The following ABCB9 variants were observed in gnomAD, a reference collection of about 807,000 sequenced individuals.
The protein encoded by ABCB9 is ABC-type oligopeptide transporter ABCB9.
A neutral mutation model predicts 62.0 loss-of-function variants in ABCB9; 36 were observed. The ratio of observed to expected loss-of-function variants is 0.58; its 90% CI spans 0.45 to 0.77. ABCB9 has a LOEUF of 0.77. Among genes scored for constraint, ABCB9 ranks in the 30% least tolerant of loss-of-function variants. The probability of loss-of-function intolerance (pLI) is 0.00; values close to 1 mark genes in which losing one functional copy is unlikely to be tolerated. For synonymous variants in ABCB9, 435 were observed against 461.4 expected (o/e 0.94, Z 0.73); for missense variants, 943 against 1,054.7 (o/e 0.89, Z 1.47).
chr12:122,925,457 A>G (rs191560441), downstream of ABCB9, among the ~76,000 whole-genome samples: 2 of 152,040 alleles, frequency 1.3e-5, no homozygotes, highest in Non-Finnish European at 1.5e-5. Flanking sequence ...CAAAAAAAAC[A>G]TGAATGTTGG....
At position 122,949,894 on chromosome 12, in the gene ABCB9, GC is replaced by G. The variant is rs988194218; in HGVS notation, c.740del (p.Gly247AlafsTer11). 4 of 1,614,158 alleles carry G rather than the reference GC, an allele frequency of 2.5e-6. No homozygotes were observed. The highest frequency in any genetic ancestry group is 3.4e-6 in the Non-Finnish European group (4 of 1,179,996). ...IGSSFAAGIR[G>X]GIFTLIFARL... ...TGGCAAATATGAGGGTAAAAATGCC[GC>G]CCCGAATACCTGCGGCAAATGAGCT... On this transcript the variant is annotated frameshift_variant, in exon 4 of 12. Coordinates refer to ENST00000280560, the MANE Select transcript of ABCB9 (RefSeq NM_019625.4). LOFTEE classifies it high-confidence loss of function.
At position 122,950,136 on chromosome 12, in the gene ABCB9, G is replaced by A. The variant is rs925035058; in HGVS notation, c.717-218C>T. Among the ~76,000 whole-genome samples, 35 of 152,194 alleles carry A rather than the reference G, an allele frequency of 2.3e-4. 1 individual carries two copies. The highest frequency in any genetic ancestry group is 5.9e-5 in the Non-Finnish European group (4 of 68,036). ...ACAAGAGACCCAAATGTGCCAGCCA[G>A]ACCCTCTTCCTTCCAGAACAGCTCA... is the stretch of plus-strand genomic sequence containing the variant. On this transcript the variant is annotated intron_variant, in intron 3 of 11. Coordinates refer to ENST00000280560, the MANE Select transcript of ABCB9 (RefSeq NM_019625.4).
At chr12:122,941,094 T>A (rs2035741994) in intron 7 of ABCB9, 99 bp from the exon 8 acceptor site, 3 of 1,362,896 alleles carry the variant, frequency 2.2e-6, no homozygotes, top group Admixed American at 5.4e-5. Flanking sequence ...AAGCAAGGAG[T>A]TCTGGCGGGG....
At chr12:122,933,255 A>G (rs1470295411) in intron 10 of ABCB9, among the ~76,000 whole-genome samples, 1 of 152,198 alleles carries the variant, frequency 6.6e-6, no homozygotes, top group Admixed American at 6.5e-5. Context: ...TAACATAAAC[A>G]TAACCATTGT....
At chr12:122,955,807 G>A (rs1205043856) in intron 2 of ABCB9, among the ~76,000 whole-genome samples, 2 of 152,032 alleles carry the variant, frequency 1.3e-5, no homozygotes, top group Non-Finnish European at 2.9e-5. Context: ...CACCTCCTGG[G>A]TTCAAGATAT....
Position 122,947,389 on chromosome 12 carries a change from G to A in ABCB9, c.1054-1167C>T. The A allele has an allele frequency of 2.5e-6, 1 of 401,392 alleles. No individual in the cohort carries two copies. Among genetic ancestry groups the A allele is most frequent in the South Asian group, 1.8e-5 (1 of 55,802 alleles). 24.9% of individuals were successfully genotyped at this position (401,392 alleles called of 1,614,324 possible). ...AGACTGTGGGGAGTGGCCTCACCGGGGGCTGGGTGGGAGATGGCTTCCTTT... is the reference window on the plus strand; with the variant it reads ...AGACTGTGGGGAGTGGCCTCACCGGAGGCTGGGTGGGAGATGGCTTCCTTT... On this transcript the variant is annotated intron_variant, in intron 5 of 11. Transcript: ENST00000280560. The surrounding 1 kb of genome is among the most constrained non-coding windows in gnomAD (Gnocchi z 6.0).
chr12:122,930,519 C>T lies in ABCB9; in HGVS notation c.2041-348G>A, dbSNP rs1167316317. Among the ~76,000 whole-genome samples the T allele has an allele frequency of 9.2e-5, 14 of 151,484 alleles. No homozygotes were observed. Among genetic ancestry groups the T allele is most frequent in the South Asian group, 4.2e-4 (2 of 4,772 alleles). On this transcript the variant is annotated intron_variant, in intron 11 of 11. Transcript: ENST00000280560. This position sits in a 1 kb window ranked among gnomAD's most constrained non-coding sequence, Gnocchi z 4.9. Reference sequence around the variant, plus strand: ...GCCTCGTGGGTTCAATCGAGTCTCACGCCTCAGCTTCCCAAGTAGCTAGGG... The same window carrying T: ...GCCTCGTGGGTTCAATCGAGTCTCATGCCTCAGCTTCCCAAGTAGCTAGGG...
downstream of ABCB9, chr12:122,924,922 ATTGT>A: frequency 8.5e-7 from 1 of 1,179,258 alleles, no homozygotes; most frequent in Non-Finnish European, 1.2e-6. Context: ...ACAATTTTAT[ATTGT>A]TTGTTTTTGA....
intron 1 of ABCB9, among the ~76,000 whole-genome samples, chr12:122,961,934 C>T (rs2135919177): frequency 6.6e-6 from 1 of 152,346 alleles, no homozygotes; most frequent in Admixed American, 6.5e-5. Context: ...TCTCCTCCCA[C>T]GTCAGGCCTT....
chr12:122,955,265 G>A (rs954791410), intron 2 of ABCB9, among the ~76,000 whole-genome samples: 12 of 152,118 alleles, frequency 7.9e-5, no homozygotes, highest in African/African-American at 2.9e-4. Context: ...TCGAGTCTGC[G>A]CCCTGACTCT....
chr12:122,931,809 A>C, intron 11 of ABCB9: 1 of 222,124 alleles, frequency 4.5e-6, no homozygotes, highest in Non-Finnish European at 9.1e-6. Flanking sequence ...ACACCTGGCT[A>C]GTTTTTGTAT....
chr12:122,942,080 C>T (rs1249885325), intron 7 of ABCB9, among the ~76,000 whole-genome samples: 1 of 152,006 alleles, frequency 6.6e-6, no homozygotes, highest in Non-Finnish European at 1.5e-5. Context: ...TCCTTTTTTA[C>T]TGATGAGGAA....
Position 122,932,276 on chromosome 12 carries a change from G to A in ABCB9, c.1956C>T (p.Ala652=). ...GGTTCCGCACCAGAGCCCGGGCCAT[G>A]GCCACCCGCTGCTTCTGGCCACCTG... ...QLSGGQKQRV[A]MARALVRNPP... Residue 652 remains alanine (A), a synonymous_variant, in exon 11 of 12, where the codon GCC becomes GCT. Transcript: ENST00000280560. This position sits in a 1 kb window ranked among gnomAD's most constrained non-coding sequence, Gnocchi z 4.7. The A allele has an allele frequency of 6.4e-7, 1 of 1,551,438 alleles. No individual in the cohort carries two copies. The highest frequency in any genetic ancestry group is 8.7e-7 in the Non-Finnish European group (1 of 1,147,142).
At chr12:122,935,832 G>A (rs1052505169) in intron 9 of ABCB9, among the ~76,000 whole-genome samples, 9 of 152,154 alleles carry the variant, frequency 5.9e-5, no homozygotes, top group Non-Finnish European at 1.0e-4. Flanking sequence ...CTGCCCTGGC[G>A]GTGGTCCCCT....
Position 122,947,107 on chromosome 12 carries a change from C to A in ABCB9, c.1054-885G>T, listed in dbSNP as rs1234209462. On this transcript the variant is annotated intron_variant, in intron 5 of 11. Transcript: ENST00000280560. This position sits in a 1 kb window ranked among gnomAD's most constrained non-coding sequence, Gnocchi z 6.0. ...CATGGGGTGGAAAACCCAAACAGAG[C>A]CTTCCTGAGGCCTCCCTTAGCTGAA... Among the ~76,000 whole-genome samples the A allele has an allele frequency of 1.3e-5, 2 of 152,156 alleles. No individual in the cohort carries two copies. The highest frequency in any genetic ancestry group is 4.8e-5 in the African/African-American group (2 of 41,424).
chr12:122,970,591 TA>T (rs952704150), upstream of ABCB9, among the ~76,000 whole-genome samples: 6 of 152,192 alleles, frequency 3.9e-5, no homozygotes, highest in African/African-American at 1.4e-4. Flanking sequence ...GAAGAAATGA[TA>T]GATGTTTGAG....
chr12:122,956,989 C>T (rs567850984), intron 2 of ABCB9, among the ~76,000 whole-genome samples: 1 of 152,004 alleles, frequency 6.6e-6, no homozygotes, highest in Admixed American at 6.6e-5. Context: ...TAGCTAACAA[C>T]CCTGAGCACT....
In ABCB9 at chr12:122,955,119, T is replaced by C. The variant is rs115015850; in HGVS notation, c.601+4516A>G. On this transcript the variant is annotated intron_variant, in intron 2 of 11. Coordinates refer to ENST00000280560, the MANE Select transcript of ABCB9 (RefSeq NM_019625.4). ...GCCCTAACACTGATTAAGTATTTAC[T>C]TGTGCTAGGCACCAAGCTTCCTCTC... Among the ~76,000 whole-genome samples the C allele has an allele frequency of 9.6e-3, 1,462 of 152,258 alleles. 23 individuals carry two copies. The highest frequency in any genetic ancestry group is 0.033 in the African/African-American group (1,373 of 41,542).
chr12:122,943,874 C>T (rs1212144797), intron 7 of ABCB9, among the ~76,000 whole-genome samples: 1 of 152,156 alleles, frequency 6.6e-6, no homozygotes, highest in Non-Finnish European at 1.5e-5. Context: ...CTCCCAGGCT[C>T]AAGCGATTCT....
Sources: allele counts gnomAD v4.1 joint callset (sites outside exome capture counted in the v4.1 genomes callset), GRCh38; gene constraint gnomAD v4.1.1; non-coding constraint Gnocchi (gnomAD v3.1); transcripts MANE v1.5; gene names NCBI Gene and HGNC (gene_info 2026-07-23, HGNC 2026-07-21).